Variants in MRPS28 observed in about 807,000 individuals in gnomAD.
The protein encoded by MRPS28 is mitochondrial ribosomal protein S28, also known as small ribosomal subunit protein bS1m.
A neutral mutation model predicts 10.8 loss-of-function variants in MRPS28; 7 were observed. The observed-to-expected ratio is 0.65, with a 90% CI of 0.37 to 1.22. MRPS28 has a LOEUF of 1.22. Ranked by LOEUF, MRPS28 falls within the 50% of genes most tolerant of loss-of-function variation. MRPS28 has a pLI of 0.02. For synonymous variants in MRPS28, 121 were observed against 93.3 expected (o/e 1.30, Z -1.71); for missense variants, 265 against 232.9 (o/e 1.14, Z -0.90).
chr8:79,987,705 T>A (rs1240142335), intron 2 of MRPS28, among the ~76,000 whole-genome samples: 2 of 152,150 alleles, frequency 1.3e-5, no homozygotes, highest in Non-Finnish European at 2.9e-5. Context: ...ATCAGAGAAA[T>A]GCTAATCAAA....
At position 79,998,155 on chromosome 8, in the gene MRPS28, T is replaced by C. The variant is rs143397591; in HGVS notation, c.395+4844A>G. The stretch of plus-strand genomic sequence containing the variant: ...AAGAAACCAAAGTGCCTAGGTATAG[T>C]ACAGGACTACTAATTTCTAATGTTC... On this transcript the variant is annotated intron_variant, in intron 2 of 2. Transcript: ENST00000276585. 3.7e-3 allele frequency among the ~76,000 whole-genome samples: 570 copies of C among 152,286 alleles called. 3 individuals carry two copies. Among genetic ancestry groups the C allele is most frequent in the South Asian group, 0.018 (86 of 4,830 alleles).
intron 2 of MRPS28, among the ~76,000 whole-genome samples, chr8:79,924,288 A>G (rs1357505657): frequency 6.6e-6 from 1 of 152,232 alleles, no homozygotes; most frequent in Non-Finnish European, 1.5e-5. Flanking sequence ...AAGACTACAG[A>G]AGAAAAGTTT....
intron 2 of MRPS28, among the ~76,000 whole-genome samples, chr8:79,973,771 A>G (rs1807704337): frequency 6.6e-6 from 1 of 151,976 alleles, no homozygotes; most frequent in Non-Finnish European, 1.5e-5. Flanking sequence ...ACAAGTGGGT[A>G]AGAGGAAAGT....
intron 2 of MRPS28, among the ~76,000 whole-genome samples, chr8:79,951,077 C>A (rs1034287255): frequency 6.6e-6 from 1 of 152,200 alleles, no homozygotes; most frequent in African/African-American, 2.4e-5. Context: ...GTGACCAGTG[C>A]AGTCACTCAG....
intron 1 of MRPS28, among the ~76,000 whole-genome samples, chr8:80,011,774 C>CAAAA (rs997703257): frequency 6.6e-6 from 1 of 151,778 alleles, no homozygotes; most frequent in Non-Finnish European, 1.5e-5. Context: ...AAAACAAAAA[C>CAAAA]AAAAAACAAA....
intron 2 of MRPS28, among the ~76,000 whole-genome samples, chr8:79,977,571 C>T (rs1000464605): frequency 6.6e-6 from 1 of 152,322 alleles, no homozygotes; most frequent in East Asian, 1.9e-4. Flanking sequence ...AATCCCAGCA[C>T]TTTGGGAGGC....
chr8:79,957,494 G>GTTCC (rs1807251098), intron 2 of MRPS28: 1 of 150,438 alleles, frequency 6.6e-6, no homozygotes, highest in Non-Finnish European at 1.5e-5. Flanking sequence ...TGGTTCACTG[G>GTTCC]AGGCCATAAG....
At chr8:80,011,576 A>G (rs1203523565) in intron 1 of MRPS28, among the ~76,000 whole-genome samples, 1 of 152,134 alleles carries the variant, frequency 6.6e-6, no homozygotes, top group Admixed American at 6.5e-5. Context: ...CAACACGGTG[A>G]AACCCTGTCT....
At chr8:79,920,863 C>A (rs1810074480) in intron 2 of MRPS28, among the ~76,000 whole-genome samples, 1 of 152,176 alleles carries the variant, frequency 6.6e-6, no homozygotes, top group South Asian at 2.1e-4. Context: ...AGTCCTTGCG[C>A]ATGCCTATGT....
rs1049365217 is a variant in MRPS28, at chr8:79,967,861, T to A, written c.395+35138A>T. Among the ~76,000 whole-genome samples, 32 of 152,102 alleles carry A rather than the reference T, an allele frequency of 2.1e-4. 1 individual carries two copies. Among genetic ancestry groups the A allele is most frequent in the Non-Finnish European group, 8.8e-5 (6 of 68,010 alleles). On this transcript the variant is annotated intron_variant, in intron 2 of 2. Coordinates refer to ENST00000276585, the MANE Select transcript of MRPS28 (RefSeq NM_014018.3). ...AGCTGCCAAGTATACAACTGATACA[T>A]GCTATTAGTATATGTATATATACTA...
intron 1 of MRPS28, among the ~76,000 whole-genome samples, chr8:80,005,572 T>TA (rs1478682470): frequency 2.0e-5 from 3 of 152,112 alleles, no homozygotes; most frequent in Non-Finnish European, 4.4e-5. Flanking sequence ...AGAAACTGCA[T>TA]AAACTAATGA....
intron 1 of MRPS28, among the ~76,000 whole-genome samples, chr8:80,005,282 G>A (rs917279361): frequency 6.6e-6 from 1 of 152,190 alleles, no homozygotes; most frequent in African/African-American, 2.4e-5. Context: ...ACTAACAGCG[G>A]ATCTCTCGGC....
At chr8:80,007,645 C>T (rs1808893484) in intron 1 of MRPS28, among the ~76,000 whole-genome samples, 1 of 152,044 alleles carries the variant, frequency 6.6e-6, no homozygotes, top group African/African-American at 2.4e-5. Flanking sequence ...AACAGAGAGC[C>T]AAATCATGAG....
chr8:79,923,977 T>C (rs1199666194), intron 2 of MRPS28, among the ~76,000 whole-genome samples: 1 of 152,230 alleles, frequency 6.6e-6, no homozygotes, highest in Non-Finnish European at 1.5e-5. Flanking sequence ...CAGTGCATGC[T>C]ACTGATGGTT....
chr8:79,919,142 G>T lies in MRPS28; in HGVS notation c.402C>A (p.Tyr134Ter). The change falls in exon 3 of 3, where the codon TAC (tyrosine) becomes TAA (stop). Residue 134 changes from tyrosine to a stop codon, truncating the protein, a stop_gained. Coordinates refer to ENST00000276585, the MANE Select transcript of MRPS28 (RefSeq NM_014018.3). LOFTEE classifies it high-confidence loss of function. ...CRRPEVDGEK[Y>*]QKGTRVRLRL... ...GCAACCGGACCCTGGTTCCTTTCTG[G>T]TATTTCCTAAATAGTTAAAAAAAAA... The T allele has an allele frequency of 6.4e-7, 1 of 1,574,232 alleles. No individual in the cohort carries two copies. Among genetic ancestry groups the T allele is most frequent in the Non-Finnish European group, 8.6e-7 (1 of 1,167,068 alleles).
intron 2 of MRPS28, among the ~76,000 whole-genome samples, chr8:79,939,297 A>G (rs1329082655): frequency 6.6e-6 from 1 of 152,238 alleles, no homozygotes; most frequent in African/African-American, 2.4e-5. Flanking sequence ...CAGTAATGCA[A>G]TCAAACATTT....
chr8:79,993,911 A>G lies in MRPS28; in HGVS notation c.395+9088T>C, dbSNP rs1808428086. Among the ~76,000 whole-genome samples the G allele has an allele frequency of 2.0e-5, 3 of 152,240 alleles. No individual in the cohort carries two copies. The South Asian group carries it at 6.2e-4, about 31-fold the overall frequency. ...AAATAGAAACAAAGATGGGAAAATT[A>G]GCTTGTTTATTCCACCTTAGTGTCA... is the stretch of plus-strand genomic sequence containing the variant. On this transcript the variant is annotated intron_variant, in intron 2 of 2. Coordinates refer to ENST00000276585, the MANE Select transcript of MRPS28 (RefSeq NM_014018.3).
chr8:79,950,024 A>C (rs1015669157), intron 2 of MRPS28, among the ~76,000 whole-genome samples: 1 of 152,182 alleles, frequency 6.6e-6, no homozygotes, highest in Non-Finnish European at 1.5e-5. Flanking sequence ...ATATTCAGAA[A>C]AAGTAAAGAA....
Position 79,919,081 on chromosome 8 carries a change from C to G in MRPS28, c.463G>C (p.Gly155Arg). 2 of 1,611,468 alleles carry G rather than the reference C, an allele frequency of 1.2e-6. No homozygotes were observed. The highest frequency in any genetic ancestry group is 2.2e-5 in the East Asian group (1 of 44,798). Residue 155 changes from glycine (G) to arginine (R), a missense_variant, in exon 3 of 3, where the codon GGA becomes CGA. Gly to Arg is a moderately radical substitution (Grantham distance 125, BLOSUM62 -2). Transcript: ENST00000276585. ...AGTACAGTTGTATCTGTTGTTGCTC[C>G]CAGGAACCTAGACGTAAGTTCAAGA... ...LDLELTSRFL[G>R]ATTDTTVLEA... is the part of the protein sequence containing the mutation.
Sources: allele counts gnomAD v4.1 joint callset (sites outside exome capture counted in the v4.1 genomes callset), GRCh38; gene constraint gnomAD v4.1.1; transcripts MANE v1.5; gene names NCBI Gene and HGNC (gene_info 2026-07-23, HGNC 2026-07-21).